PDE1A: variants seen among roughly 807,000 people sequenced by gnomAD.
The protein encoded by PDE1A is phosphodiesterase 1A, also known as dual specificity calcium/calmodulin-dependent 3',5'-cyclic nucleotide phosphodiesterase 1A.
A neutral mutation model predicts 61.7 loss-of-function variants in PDE1A; 35 were observed. That is an observed-to-expected ratio of 0.57 (90% CI 0.43 to 0.75). The LOEUF is 0.75. Among genes scored for constraint, PDE1A ranks in the 30% least tolerant of loss-of-function variants. The pLI, the probability that PDE1A is intolerant of heterozygous loss-of-function variation, is 0.00. For missense variants in PDE1A, 597 were observed against 630.6 expected (o/e 0.95, Z 0.57); for synonymous variants, 232 against 213.2 (o/e 1.09, Z -0.77).
In PDE1A at chr2:182,240,352, G is replaced by T. The variant is rs188334190; in HGVS notation, c.168-60C>A. ...AAAAAGTGAAGAAAAACATATAACA[G>T]AAAAACAAGGATTGCAATGGGATTT... On this transcript the variant is annotated intron_variant, in intron 2 of 13. Transcript: ENST00000351439. 2.6e-5 allele frequency: 27 copies of T among 1,040,508 alleles called. No individual in the cohort carries two copies. The East Asian group carries it at 6.8e-4, about 26-fold the overall frequency. The allele number at this position is 1,040,508 out of a possible 1,614,324, so 64.5% of individuals were successfully genotyped here.
At chr2:182,486,851 T>C (rs1688055629) in intron 2 of PDE1A, among the ~76,000 whole-genome samples, 1 of 152,098 alleles carries the variant, frequency 6.6e-6, no homozygotes, top group South Asian at 2.1e-4. Flanking sequence ...CAGGAGAGAA[T>C]TTTTGTGACC....
the PDE1A span, among the ~76,000 whole-genome samples, chr2:182,565,756 C>T: frequency 6.6e-6 from 1 of 152,184 alleles, no homozygotes. Flanking sequence ...CTTTCTGAAA[C>T]ATGAAACAAT....
At chr2:182,710,192 G>A in the PDE1A span, among the ~76,000 whole-genome samples, 1 of 152,142 alleles carries the variant, frequency 6.6e-6, no homozygotes, top group African/African-American at 2.4e-5. Context: ...ACTGCACCTG[G>A]CCCATATTAC....
chr2:182,457,344 A>C (rs1685992812), intron 2 of PDE1A, among the ~76,000 whole-genome samples: 1 of 146,042 alleles, frequency 6.8e-6, no homozygotes, highest in Admixed American at 7.1e-5. Flanking sequence ...CAATTATCAT[A>C]TATGTTTATA....
At chr2:182,528,308 T>C in the PDE1A span, among the ~76,000 whole-genome samples, 2 of 152,206 alleles carry the variant, frequency 1.3e-5, no homozygotes, top group South Asian at 2.1e-4. Context: ...ACTCTTGCTA[T>C]GTTTTAGCAA....
At chr2:182,512,376 C>G (rs1689857654) in intron 2 of PDE1A, among the ~76,000 whole-genome samples, 1 of 152,088 alleles carries the variant, frequency 6.6e-6, no homozygotes, top group African/African-American at 2.4e-5. Context: ...AAAAACAAAG[C>G]CAGTCAACTC....
At chr2:182,716,031 G>C in the PDE1A span, 1 of 152,346 alleles carries the variant, frequency 6.6e-6, no homozygotes. Flanking sequence ...GCCCGCGGCA[G>C]GCGCCGGCCG....
chr2:182,324,487 G>A (rs1696917289), intron 1 of PDE1A, among the ~76,000 whole-genome samples: 1 of 152,114 alleles, frequency 6.6e-6, no homozygotes, highest in Non-Finnish European at 1.5e-5. Context: ...ACCTGTATAT[G>A]AGAAAATTAA....
intron 2 of PDE1A, among the ~76,000 whole-genome samples, chr2:182,246,705 C>G (rs910354073): frequency 6.6e-6 from 1 of 152,108 alleles, no homozygotes; most frequent in Non-Finnish European, 1.5e-5. Context: ...AGCCACCATG[C>G]CCAGCCTTAC....
intron 1 of PDE1A, among the ~76,000 whole-genome samples, chr2:182,302,327 C>G (rs900360679): frequency 1.8e-4 from 27 of 152,210 alleles, no homozygotes; most frequent in African/African-American, 6.3e-4. Flanking sequence ...CTCAGAGATA[C>G]TGTGGGCTTA....
At chr2:182,468,234 G>A (rs1686799392) in intron 2 of PDE1A, among the ~76,000 whole-genome samples, 1 of 151,966 alleles carries the variant, frequency 6.6e-6, no homozygotes, top group South Asian at 2.1e-4. Context: ...GCATTTGACT[G>A]ACAGTAGAAC....
intron 2 of PDE1A, among the ~76,000 whole-genome samples, chr2:182,252,790 T>C (rs1276146059): frequency 2.0e-5 from 3 of 152,190 alleles, no homozygotes; most frequent in East Asian, 3.9e-4. Flanking sequence ...AACTGACTAA[T>C]GTGTGTCTAC....
intron 1 of PDE1A, among the ~76,000 whole-genome samples, chr2:182,359,326 A>G (rs918776874): frequency 6.6e-6 from 1 of 152,180 alleles, no homozygotes; most frequent in Non-Finnish European, 1.5e-5. Context: ...CAAACTCAAA[A>G]TGACCATGTT....
At chr2:182,443,366 T>C (rs941826447) in intron 2 of PDE1A, among the ~76,000 whole-genome samples, 2 of 152,098 alleles carry the variant, frequency 1.3e-5, no homozygotes, top group Non-Finnish European at 2.9e-5. Flanking sequence ...AGTCTGGCTA[T>C]GATATGGTTT....
rs76840448 is a variant in PDE1A, at chr2:182,229,031, T to C, written c.675+975A>G. On this transcript the variant is annotated intron_variant, in intron 6 of 13. Transcript: ENST00000351439. The stretch of plus-strand genomic sequence containing the variant: ...AACGGCTTATTTGGTCCCATAACAG[T>C]CTTCCTTATAATTCTGAGGGTAAAA... 3.0e-3 allele frequency among the ~76,000 whole-genome samples: 452 copies of C among 152,260 alleles called. 1 individual carries two copies. Among genetic ancestry groups the C allele is most frequent in the South Asian group, 0.01 (50 of 4,826 alleles).
chr2:182,542,258 C>A, the PDE1A span, among the ~76,000 whole-genome samples: 1 of 151,926 alleles, frequency 6.6e-6, no homozygotes, highest in East Asian at 1.9e-4. Context: ...ATATATTCTG[C>A]GAATTTTCTA....
chr2:182,479,911 T>C (rs1687602660), intron 2 of PDE1A, among the ~76,000 whole-genome samples: 1 of 151,922 alleles, frequency 6.6e-6, no homozygotes, highest in Non-Finnish European at 1.5e-5. Context: ...TTCTGTCCTG[T>C]TGTCAATGAT....
chr2:182,608,775 G>A, the PDE1A span, among the ~76,000 whole-genome samples: 4 of 152,374 alleles, frequency 2.6e-5, no homozygotes, highest in East Asian at 7.7e-4. Context: ...AAGGGCTGAG[G>A]AGTGCGGCCG....
intron 1 of PDE1A, among the ~76,000 whole-genome samples, chr2:182,332,851 C>T (rs916013353): frequency 1.2e-4 from 19 of 152,012 alleles, no homozygotes; most frequent in African/African-American, 4.1e-4. Flanking sequence ...GAAAGACACA[C>T]ATAGGCTCAA....
Sources: allele counts gnomAD v4.1 joint callset (sites outside exome capture counted in the v4.1 genomes callset), GRCh38; gene constraint gnomAD v4.1.1; transcripts MANE v1.5; gene names NCBI Gene and HGNC (gene_info 2026-07-23, HGNC 2026-07-21).